Variants in BAZ2B observed in about 807,000 individuals in gnomAD.
The protein encoded by BAZ2B is bromodomain adjacent to zinc finger domain protein 2B.
A neutral mutation model predicts 246.0 loss-of-function variants in BAZ2B; 91 were observed. The ratio of observed to expected loss-of-function variants is 0.37; its 90% CI spans 0.31 to 0.44. BAZ2B has a LOEUF of 0.44. Ranked by LOEUF, BAZ2B falls within the 20% of genes least tolerant of loss-of-function variation. The pLI is 1.00. For missense variants in BAZ2B, 2,332 were observed against 2,533.7 expected, an observed-to-expected ratio of 0.92 and a Z score of 1.71; for synonymous variants, 855 against 860.0, an observed-to-expected ratio of 0.99 and a Z score of 0.10.
At chr2:159,486,871 T>C (rs1365301069) in intron 2 of BAZ2B, among the ~76,000 whole-genome samples, 2 of 152,110 alleles carry the variant, frequency 1.3e-5, no homozygotes, top group African/African-American at 2.4e-5. Context: ...AGACCTATAC[T>C]AGCTAATATG....
In BAZ2B at chr2:159,439,157, G is replaced by T; in HGVS notation, c.752C>A (p.Thr251Lys). 1 of 1,613,984 alleles carries T rather than the reference G, an allele frequency of 6.2e-7. No individual in the cohort carries two copies. ...SSSNSDSDSG[T>K]SSDTSSEGIS... ...GCCTTCACTTGAGGTGTCTGATGAT[G>T]TGCCTGAATCACTATCACTGTTGCT... The change falls in exon 7 of 37, where the codon ACA becomes AAA. Residue 251 changes from threonine (T) to lysine (K), a missense_variant. Physicochemically the swap from Thr to Lys is moderately conservative, Grantham distance 78 (BLOSUM62 -1). Transcript: ENST00000392783.
intron 1 of BAZ2B, among the ~76,000 whole-genome samples, chr2:159,557,739 G>A (rs1296981657): frequency 6.6e-6 from 1 of 152,130 alleles, no homozygotes; most frequent in African/African-American, 2.4e-5. Flanking sequence ...GCTACTGAAT[G>A]AATGAGTGAA....
intron 2 of BAZ2B, among the ~76,000 whole-genome samples, chr2:159,496,053 G>A (rs1044419255): frequency 1.3e-5 from 2 of 149,140 alleles, no homozygotes; most frequent in Non-Finnish European, 3.0e-5. Context: ...ACAGGCATGA[G>A]CCACCGCGCC....
chr2:159,431,297 A>G, intron 9 of BAZ2B, 141 bp from the exon 10 acceptor site: 1 of 1,268,698 alleles, frequency 7.9e-7, no homozygotes, highest in Non-Finnish European at 1.1e-6. Flanking sequence ...AGTAAATGTT[A>G]TAAGCTATTT....
downstream of BAZ2B, among the ~76,000 whole-genome samples, chr2:159,315,676 T>C (rs986187104): frequency 6.6e-6 from 1 of 152,216 alleles, no homozygotes; most frequent in Non-Finnish European, 1.5e-5. Context: ...CTATGCCATA[T>C]TAGGTTGGTC....
At chr2:159,547,306 A>G (rs535398554) in intron 2 of BAZ2B, among the ~76,000 whole-genome samples, 109 of 152,310 alleles carry the variant, frequency 7.2e-4, no homozygotes, top group African/African-American at 2.5e-3. Flanking sequence ...AGCTTCAGGA[A>G]TATTTGTATT....
the BAZ2B span, among the ~76,000 whole-genome samples, chr2:159,636,106 G>A: frequency 6.6e-6 from 1 of 152,160 alleles, no homozygotes; most frequent in South Asian, 2.1e-4. Flanking sequence ...ACGGGGGGCA[G>A]AGCACGGTGG....
intron 1 of BAZ2B, among the ~76,000 whole-genome samples, chr2:159,600,243 G>A (rs989933587): frequency 2.0e-5 from 3 of 152,024 alleles, no homozygotes; most frequent in Non-Finnish European, 2.9e-5. Flanking sequence ...TCATGAGACC[G>A]GCCTTTTGGG....
At chr2:159,571,612 A>C (rs1425039) in intron 1 of BAZ2B, among the ~76,000 whole-genome samples, 83,918 of 151,954 alleles carry the variant, frequency 0.55, 23,928 homozygotes, top group East Asian at 0.74. Flanking sequence ...CACTGAGTTC[A>C]ATTGCTAATG....
chr2:159,667,361 C>A, the BAZ2B span, among the ~76,000 whole-genome samples: 1 of 151,856 alleles, frequency 6.6e-6, no homozygotes, highest in South Asian at 2.1e-4. Flanking sequence ...TTTGGAAGGC[C>A]AAGGCAGGTG....
chr2:159,403,601 T>C (rs1559285411), intron 16 of BAZ2B, among the ~76,000 whole-genome samples: 1 of 152,164 alleles, frequency 6.6e-6, no homozygotes, highest in Non-Finnish European at 1.5e-5. Context: ...AACGAATGCA[T>C]TCACTAGCCT....
At chr2:159,576,025 A>C (rs1685205770) in intron 1 of BAZ2B, among the ~76,000 whole-genome samples, 1 of 152,198 alleles carries the variant, frequency 6.6e-6, no homozygotes, top group Admixed American at 6.5e-5. Flanking sequence ...AAACTTAAAG[A>C]ATTTCTGAGA....
At chr2:159,630,539 T>TTC in the BAZ2B span, among the ~76,000 whole-genome samples, 1 of 31,426 alleles carries the variant, frequency 3.2e-5, no homozygotes, top group African/African-American at 2.2e-4. Flanking sequence ...TTCTTCTCTC[T>TTC]TTTTTTTTTT....
chr2:159,567,771 A>G (rs1359856481), intron 1 of BAZ2B, among the ~76,000 whole-genome samples: 2 of 152,174 alleles, frequency 1.3e-5, no homozygotes, highest in African/African-American at 4.8e-5. Context: ...CAAGAGATCG[A>G]GACCATCCTG....
intron 27 of BAZ2B, among the ~76,000 whole-genome samples, chr2:159,351,937 G>A (rs557742877): frequency 6.6e-6 from 1 of 152,118 alleles, no homozygotes; most frequent in South Asian, 2.1e-4. Context: ...GGTAGCCATG[G>A]TTAATTACAT....
the BAZ2B span, among the ~76,000 whole-genome samples, chr2:159,708,229 G>A: frequency 2.6e-5 from 4 of 152,140 alleles, no homozygotes; most frequent in South Asian, 8.3e-4. Flanking sequence ...AGAAGCTTGA[G>A]GCTCCAGTGA....
At position 159,498,523 on chromosome 2, in the gene BAZ2B, G is replaced by C. The variant is rs77143667; in HGVS notation, c.-2-19802C>G. Among the ~76,000 whole-genome samples the C allele has an allele frequency of 7.7e-4, 117 of 152,106 alleles. 1 individual carries two copies. In the East Asian group the frequency reaches 0.018, roughly 23 times the overall value. On this transcript the variant is annotated intron_variant, in intron 2 of 36. Coordinates refer to ENST00000392783, the MANE Select transcript of BAZ2B (RefSeq NM_013450.4). ...AGTGACATTTTTATTTTAGTTCTTA[G>C]ATAACTAAAATAGTAAAACTGCTTT... is the stretch of plus-strand genomic sequence containing the variant.
In BAZ2B at chr2:159,558,302, G is replaced by A. The variant is rs757993737; in HGVS notation, c.-45-2437C>T. Among the ~76,000 whole-genome samples the A allele has an allele frequency of 1.8e-4, 27 of 152,030 alleles. 1 individual carries two copies. Among genetic ancestry groups the A allele is most frequent in the Non-Finnish European group, 2.9e-4 (20 of 68,006 alleles). On this transcript the variant is annotated intron_variant, in intron 1 of 36. Transcript: ENST00000392783. ...ATGGAATTTTGCTCTTGTTGCCCAG[G>A]CTGGAGTGCAATGGCGCGATCTCAG...
the BAZ2B span, among the ~76,000 whole-genome samples, chr2:159,644,759 G>A: frequency 1.3e-5 from 2 of 152,090 alleles, no homozygotes; most frequent in Non-Finnish European, 1.5e-5. Context: ...ATACACCCAG[G>A]AGGCGCACCC....
Sources: allele counts gnomAD v4.1 joint callset (sites outside exome capture counted in the v4.1 genomes callset), GRCh38; gene constraint gnomAD v4.1.1; transcripts MANE v1.5; gene names NCBI Gene and HGNC (gene_info 2026-07-23, HGNC 2026-07-21).